The following MTCL1 variants were observed in gnomAD, a reference collection of about 807,000 sequenced individuals.
MTCL1 encodes microtubule cross-linking factor 1.
A neutral mutation model predicts 141.4 loss-of-function variants in MTCL1; 79 were observed. That is an observed-to-expected ratio of 0.56 (90% CI 0.47 to 0.67). The LOEUF is 0.67. Among genes scored for constraint, MTCL1 ranks in the 30% least tolerant of loss-of-function variants. MTCL1 has a pLI of 0.00. For missense variants in MTCL1, 2,177 were observed against 2,113.9 expected (o/e 1.03, Z -0.59); for synonymous variants, 914 against 875.8 (o/e 1.04, Z -0.77).
At chr18:8,770,312 G>A (rs538587347) in intron 4 of MTCL1, among the ~76,000 whole-genome samples, 2 of 152,340 alleles carry the variant, frequency 1.3e-5, no homozygotes. Flanking sequence ...ATTAGATATT[G>A]TCTTAGTCAG....
intron 4 of MTCL1, among the ~76,000 whole-genome samples, chr18:8,748,192 C>T (rs1361254432): frequency 1.3e-5 from 2 of 152,138 alleles, no homozygotes; most frequent in Admixed American, 6.5e-5. Flanking sequence ...GACCTCACAC[C>T]AAGCCGGACC....
chr18:8,793,199 C>A, intron 8 of MTCL1, 79 bp downstream of exon 7: 1 of 1,576,190 alleles, frequency 6.3e-7, no homozygotes. Context: ...GATACATTTT[C>A]AAAGAAGGCT....
intron 4 of MTCL1, among the ~76,000 whole-genome samples, chr18:8,775,408 T>TAAAAAAAAAAAAAAAAAA (rs780102071): frequency 1.1e-5 from 1 of 92,970 alleles, no homozygotes; most frequent in African/African-American, 4.1e-5. Context: ...TCGTCTCTAC[T>TAAAAAAAAAAAAAAAAAA]AAAAAAAAAA....
intron 4 of MTCL1, among the ~76,000 whole-genome samples, chr18:8,730,973 G>A (rs552197627): frequency 2.9e-4 from 44 of 152,230 alleles, no homozygotes; most frequent in African/African-American, 9.4e-4. Context: ...GGCTGGGTGC[G>A]GTGGCTCACG....
exon 6 of MTCL1, chr18:8,784,231 C>T (rs753386537): frequency 1.9e-6 from 3 of 1,609,330 alleles, no homozygotes; most frequent in East Asian, 4.5e-5. Flanking sequence ...ACCTGGCAGC[C>T]CACCTGGGGC....
chr18:8,801,341 T>C (rs1375404672), intron 10 of MTCL1, among the ~76,000 whole-genome samples: 2 of 151,214 alleles, frequency 1.3e-5, no homozygotes, highest in Non-Finnish European at 2.9e-5. Context: ...TAGAAAGTTA[T>C]CTTGAGCCTA....
intron 10 of MTCL1, among the ~76,000 whole-genome samples, chr18:8,803,174 GAAGAA>G: frequency 6.8e-6 from 1 of 146,508 alleles, no homozygotes; most frequent in Non-Finnish European, 1.5e-5. Flanking sequence ...AAAAAAAAAA[GAAGAA>G]GAAAAAGAAA....
At chr18:8,706,653 G>A (rs2096059416) in exon 1 of MTCL1, 2 of 1,546,194 alleles carry the variant, frequency 1.3e-6, no homozygotes, top group South Asian at 1.2e-5. Context: ...TGCCAGCGGC[G>A]GAGGAAGAAG....
Position 8,818,345 on chromosome 18 carries a change from CT to C in MTCL1, c.2860-607del, listed in dbSNP as rs375673540. Among the ~76,000 whole-genome samples the C allele has an allele frequency of 5.8e-3, 856 of 146,660 alleles. 8 individuals carry two copies. Among genetic ancestry groups the C allele is most frequent in the African/African-American group, 0.019 (772 of 40,382 alleles). Reference sequence around the variant, plus strand: ...AAAGTATGACTCTAACGTAATGTGGCTTTTTTTTTTTCTTCACTCAGTCATA... The same window carrying C: ...AAAGTATGACTCTAACGTAATGTGGCTTTTTTTTTTCTTCACTCAGTCATA... On this transcript the variant is annotated intron_variant, in intron 12 of 16. Transcript: ENST00000359865.
chr18:8,733,541 G>A (rs2096261952), intron 4 of MTCL1, among the ~76,000 whole-genome samples: 1 of 152,118 alleles, frequency 6.6e-6, no homozygotes, highest in African/African-American at 2.4e-5. Context: ...CGGTAGCTGA[G>A]ATTACAGATG....
intron 12 of MTCL1, among the ~76,000 whole-genome samples, chr18:8,817,781 C>T (rs190003879): frequency 1.1e-4 from 17 of 152,342 alleles, no homozygotes; most frequent in African/African-American, 4.1e-4. Flanking sequence ...AGATACTTTG[C>T]TTATTCAAAA....
intron 10 of MTCL1, among the ~76,000 whole-genome samples, 159 bp from the exon 10 acceptor site, chr18:8,806,734 C>A (rs1454016707): frequency 6.6e-6 from 1 of 152,154 alleles, no homozygotes; most frequent in African/African-American, 2.4e-5. Flanking sequence ...CCTTTCTTTG[C>A]TCCCCGGCTA....
At chr18:8,798,446 G>A (rs2076001912) in intron 10 of MTCL1, among the ~76,000 whole-genome samples, 155 bp downstream of exon 9, 1 of 152,170 alleles carries the variant, frequency 6.6e-6, no homozygotes, top group South Asian at 2.1e-4. Flanking sequence ...GTGATGCTGG[G>A]TTTTTCCTAG....
chr18:8,829,263 A>G, intron 16 of MTCL1: 6 of 985,436 alleles, frequency 6.1e-6, no homozygotes, highest in Non-Finnish European at 7.2e-6. Flanking sequence ...AATTGAGTAG[A>G]TACTGGCCAG....
Position 8,789,764 on chromosome 18 carries a change from T to A in MTCL1, c.1888-3234T>A, listed in dbSNP as rs2075654507. The A allele has an allele frequency of 5.4e-6, 5 of 929,354 alleles. No homozygotes were observed. In the Admixed American group the frequency reaches 3.1e-4, roughly 57 times the overall value. The allele number at this position is 929,354 out of a possible 1,614,324, so 57.6% of individuals were successfully genotyped here. ...AGGGTTTTTTTTAGAATCAAACCTT[T>A]GGGGATTGGGTGGTAAAGGGAAATA... On this transcript the variant is annotated intron_variant, in intron 7 of 16. Coordinates refer to ENST00000359865, the Ensembl canonical transcript of MTCL1.
At chr18:8,712,829 C>T (rs2096102224), upstream of MTCL1, among the ~76,000 whole-genome samples, 1 of 152,070 alleles carries the variant, frequency 6.6e-6, no homozygotes, top group Admixed American at 6.6e-5. Flanking sequence ...TTCTGTCTGC[C>T]CAGAAGATAG....
In MTCL1 at chr18:8,786,040, C is replaced by T. The variant is rs1418616212; in HGVS notation, c.1836C>T (p.Asp612=). 5.6e-6 allele frequency: 9 copies of T among 1,602,012 alleles called. No individual in the cohort carries two copies. In the African/African-American group the frequency reaches 6.7e-5, roughly 12 times the overall value. ...CGCGGGAGCTGCACCGCCGCGCAGA[C>T]GGGGACACCGGGAGCCACGGGCTGG... The change falls in exon 7 of 17, where the codon GAC becomes GAT. Residue 612 remains aspartate, a synonymous_variant. Transcript: ENST00000359865.
At chr18:8,797,310 C>G (rs996530203) in intron 9 of MTCL1, among the ~76,000 whole-genome samples, 1 of 152,224 alleles carries the variant, frequency 6.6e-6, no homozygotes, top group Non-Finnish European at 1.5e-5. Context: ...TCAGATGAGT[C>G]ACTTTGCCAC....
At position 8,733,444 on chromosome 18, in the gene MTCL1, C is replaced by T. The variant is rs543635040; in HGVS notation, c.357+12948C>T. 7.2e-5 allele frequency among the ~76,000 whole-genome samples: 11 copies of T among 152,234 alleles called. No homozygotes were observed. The East Asian group carries it at 1.9e-3, about 27-fold the overall frequency. Reference sequence around the variant, plus strand: ...TTTGTTTTTGAGAGGGAGTCTCTGTCGCTCAGGCTGGAGTGAAGTGGCGTG... The same window carrying T: ...TTTGTTTTTGAGAGGGAGTCTCTGTTGCTCAGGCTGGAGTGAAGTGGCGTG... On this transcript the variant is annotated intron_variant, in intron 4 of 16. Transcript: ENST00000359865.
Sources: allele counts gnomAD v4.1 joint callset (sites outside exome capture counted in the v4.1 genomes callset), GRCh38; gene constraint gnomAD v4.1.1; transcripts MANE v1.5; gene names NCBI Gene and HGNC (gene_info 2026-07-23, HGNC 2026-07-21).